UFM1: variants seen among roughly 807,000 people sequenced by gnomAD.
The protein encoded by UFM1 is ubiquitin-fold modifier 1.
In UFM1, 9 loss-of-function variants were observed where a neutral mutation model predicts 15.4. The ratio of observed to expected loss-of-function variants is 0.59; its 90% CI spans 0.35 to 1.02. The LOEUF is 1.02. Ranked by LOEUF, UFM1 falls within the 50% of genes least tolerant of loss-of-function variation. UFM1 has a pLI of 0.02. For missense variants in UFM1, 98 were observed against 104.7 expected, an observed-to-expected ratio of 0.94 and a Z score of 0.28; for synonymous variants, 27 against 36.3, an observed-to-expected ratio of 0.74 and a Z score of 0.92.
chr13:38,356,290 G>A (rs1288111674), intron 3 of UFM1, among the ~76,000 whole-genome samples: 2 of 151,816 alleles, frequency 1.3e-5, no homozygotes, highest in African/African-American at 4.8e-5. Flanking sequence ...TCAATCAGTA[G>A]GGTAACTAAA....
At chr13:38,350,867 C>T (rs1488622373) in intron 2 of UFM1, among the ~76,000 whole-genome samples, 3 of 152,144 alleles carry the variant, frequency 2.0e-5, no homozygotes, top group African/African-American at 7.2e-5. Context: ...TCAGCCTTTT[C>T]CTCCCTTGAT....
Position 38,359,402 on chromosome 13 carries a change from C to A in UFM1, c.190+69C>A, listed in dbSNP as rs188931373. 17 of 1,520,258 alleles carry A rather than the reference C, an allele frequency of 1.1e-5. No individual in the cohort carries two copies. In the East Asian group the frequency reaches 3.8e-4, roughly 34 times the overall value. The allele number at this position is 1,520,258 out of a possible 1,614,324, so 94.2% of individuals were successfully genotyped here. On this transcript the variant is annotated intron_variant, in intron 5 of 5. Transcript: ENST00000239878. ...TGTCAATTGACACTGAATAGTTAAGCTATTCTAATTACACTTGACAGTATT... is the reference window on the plus strand; with the variant it reads ...TGTCAATTGACACTGAATAGTTAAGATATTCTAATTACACTTGACAGTATT...
intron 3 of UFM1, among the ~76,000 whole-genome samples, chr13:38,355,038 G>A (rs1879034854): frequency 6.6e-6 from 1 of 151,942 alleles, no homozygotes. Flanking sequence ...ATTATTTCCT[G>A]AAATTTTCTG....
intron 2 of UFM1, among the ~76,000 whole-genome samples, chr13:38,351,843 TTGTG>T (rs1483332118): frequency 6.6e-6 from 1 of 152,076 alleles, no homozygotes; most frequent in Non-Finnish European, 1.5e-5. Flanking sequence ...GCGTGTGTAG[TTGTG>T]TGTGTATGTG....
chr13:38,354,342 A>G (rs376449299), intron 3 of UFM1, 46 bp downstream of exon 3: 36 of 1,555,490 alleles, frequency 2.3e-5, no homozygotes, highest in Non-Finnish European at 2.8e-5. Flanking sequence ...CGGTTTGCCA[A>G]TATGCTTCAA....
intron 5 of UFM1, chr13:38,359,983 T>C (rs1879295693): frequency 3.1e-6 from 1 of 325,044 alleles, no homozygotes; most frequent in Admixed American, 3.9e-5. Context: ...CAGTAGTTAT[T>C]TTTAAATTAT....
intron 4 of UFM1, 116 bp from the exon 5 acceptor site, chr13:38,359,185 G>GT: frequency 1.3e-6 from 1 of 754,060 alleles, no homozygotes; most frequent in Non-Finnish European, 2.1e-6. Flanking sequence ...GATTTAAAGT[G>GT]TTTGGCTTAT....
At chr13:38,358,071 A>ATATT in intron 3 of UFM1, 22 bp from the exon 4 acceptor site, 1 of 554,754 alleles carries the variant, frequency 1.8e-6, no homozygotes, top group African/African-American at 2.3e-5. Flanking sequence ...ATATATATAT[A>ATATT]TTTTTTTTTC....
At position 38,349,880 on chromosome 13, in the gene UFM1, G is replaced by A. The variant is rs746378732; in HGVS notation, c.-40G>A. The A allele has an allele frequency of 1.7e-5, 28 of 1,614,132 alleles. No homozygotes were observed. In the South Asian group the frequency reaches 3.0e-4, roughly 17 times the overall value. On this transcript the variant is annotated 5_prime_UTR_variant, in exon 1 of 6. Coordinates refer to ENST00000239878, the MANE Select transcript of UFM1 (RefSeq NM_016617.4). ...CACTAGAGGAAGTCGTGCTACCCCC[G>A]CGGAGTTGTCGTGTGTTCTGGATTC...
rs1233884809 is a variant in UFM1 at position 38,362,682 on chromosome 13, A to G, written c.*1904A>G. 2 of 152,114 alleles carry G rather than the reference A, an allele frequency of 1.3e-5. No individual in the cohort carries two copies. Among genetic ancestry groups the G allele is most frequent in the Admixed American group, 6.5e-5 (1 of 15,276 alleles). The allele number at this position is 152,114 out of a possible 1,614,324, so 9.4% of individuals were successfully genotyped here. A position where few individuals can be genotyped will look rare whatever the true frequency, so the allele number is the denominator to read the frequency against. On this transcript the variant is annotated 3_prime_UTR_variant, in exon 6 of 6. Coordinates refer to ENST00000239878, the MANE Select transcript of UFM1 (RefSeq NM_016617.4). ...TTGAGTCTTAGTTAAGCAGGAATTT[A>G]TGAACACCCATTTCCTGACTTTTTG...
chr13:38,352,184 A>C (rs1878892315), intron 2 of UFM1, among the ~76,000 whole-genome samples: 1 of 149,366 alleles, frequency 6.7e-6, no homozygotes, highest in Admixed American at 6.8e-5. Flanking sequence ...GCTCACTGCA[A>C]CGCCCGCCTT....
At chr13:38,358,627 G>A (rs1879232411) in intron 4 of UFM1, among the ~76,000 whole-genome samples, 2 of 151,966 alleles carry the variant, frequency 1.3e-5, no homozygotes, top group South Asian at 4.1e-4. Flanking sequence ...AGAAAATAGT[G>A]AAATAATAAG....
At position 38,349,989 on chromosome 13, in the gene UFM1, T is replaced by G. The variant is rs1878745305; in HGVS notation, c.3-10T>G. ...GCCCGACCCTGACTCTCTCCCGCTC[T>G]TTTCCTCAGGTCGAAGGTTTCCTTT... On this transcript the variant is annotated splice_polypyrimidine_tract_variant and intron_variant, in intron 1 of 5. Coordinates refer to ENST00000239878, the MANE Select transcript of UFM1 (RefSeq NM_016617.4). 2.5e-6 allele frequency: 4 copies of G among 1,614,078 alleles called. No homozygotes were observed. The highest frequency in any genetic ancestry group is 3.4e-6 in the Non-Finnish European group (4 of 1,179,886).
At chr13:38,351,628 C>T (rs1878855358) in intron 2 of UFM1, among the ~76,000 whole-genome samples, 2 of 152,194 alleles carry the variant, frequency 1.3e-5, no homozygotes, top group Non-Finnish European at 1.5e-5. Context: ...CCAGTGCCCC[C>T]TCTCTCCTCA....
rs1052752859 is a variant in UFM1, at chr13:38,363,137, C to T, written c.*2359C>T. The stretch of plus-strand genomic sequence containing the variant: ...GTCAGAGAAATTAGTTTATAGTCAT[C>T]TGCCACAGACATAGTAGTGATGTTT... On this transcript the variant is annotated 3_prime_UTR_variant, in exon 6 of 6. Coordinates refer to ENST00000239878, the MANE Select transcript of UFM1 (RefSeq NM_016617.4). 1 of 152,194 alleles carries T rather than the reference C, an allele frequency of 6.6e-6. No homozygotes were observed. The highest frequency in any genetic ancestry group is 1.5e-5 in the Non-Finnish European group (1 of 68,040). The allele number at this position is 152,194 out of a possible 1,614,324, so 9.4% of individuals were successfully genotyped here.
At position 38,359,307 on chromosome 13, in the gene UFM1, T is replaced by C. The variant is rs1879265852; in HGVS notation, c.164T>C (p.Ile55Thr). 3 of 1,610,472 alleles carry C rather than the reference T, an allele frequency of 1.9e-6. No individual in the cohort carries two copies. Among genetic ancestry groups the C allele is most frequent in the Non-Finnish European group, 2.5e-6 (3 of 1,177,822 alleles). Residue 55 changes from isoleucine to threonine, a missense_variant, in exon 5 of 6, where the codon ATA becomes ACA. By Grantham distance (89) the Ile-to-Thr change is moderately conservative. Transcript: ENST00000239878. ...ATSAIITNDGIGINPAQTAGN... is the reference protein window; with the variant it reads ...ATSAIITNDGTGINPAQTAGN... ...TTTACAACTTATTTTCTAGATGGAA[T>C]AGGAATAAATCCTGCACAGACTGCT...
chr13:38,355,767 G>A (rs560989284), intron 3 of UFM1, among the ~76,000 whole-genome samples: 2 of 151,856 alleles, frequency 1.3e-5, no homozygotes, highest in Non-Finnish European at 3.0e-5. Flanking sequence ...TGAATCATAG[G>A]TGTTACATAT....
rs182630780 is a variant in UFM1, at chr13:38,359,722, T to C, written c.190+389T>C. On this transcript the variant is annotated intron_variant, in intron 5 of 5. Transcript: ENST00000239878. The stretch of plus-strand genomic sequence containing the variant: ...TATAGAAAGCATTCATTAAGTGCTA[T>C]TATTTTTTTTAAATATAGTCATTTA... 2.7e-3 allele frequency: 444 copies of C among 161,880 alleles called. 9 individuals carry two copies. The highest frequency in any genetic ancestry group is 8.7e-3 in the Admixed American group (140 of 16,122). The allele number at this position is 161,880 out of a possible 1,614,324, so 10.0% of individuals were successfully genotyped here.
chr13:38,358,068 TATA>T (rs1296248391), intron 3 of UFM1, 22 bp from the exon 4 acceptor site: 90 of 1,027,632 alleles, frequency 8.8e-5, no homozygotes, highest in South Asian at 2.3e-4. Flanking sequence ...TATATATATA[TATA>T]TTTTTTTTTC....
Sources: allele counts gnomAD v4.1 joint callset (sites outside exome capture counted in the v4.1 genomes callset), GRCh38; gene constraint gnomAD v4.1.1; transcripts MANE v1.5; gene names NCBI Gene and HGNC (gene_info 2026-07-23, HGNC 2026-07-21).